The following CELF2 variants were observed in gnomAD, a reference collection of about 807,000 sequenced individuals.
CELF2 encodes CUG triplet repeat RNA-binding protein 2.
Under a neutral mutation model 62.6 loss-of-function variants are expected in CELF2, and 8 were observed. The ratio of observed to expected loss-of-function variants is 0.13; its 90% CI spans 0.07 to 0.23. The LOEUF (loss-of-function observed/expected upper bound fraction) is 0.23, where lower values mean the gene tolerates loss of function less well. Ranked by LOEUF, CELF2 falls within the 10% of genes least tolerant of loss-of-function variation. CELF2 has a pLI of 1.00. For missense variants in CELF2, 333 were observed against 671.0 expected, an observed-to-expected ratio of 0.50 and a Z score of 5.56; for synonymous variants, 258 against 250.0, an observed-to-expected ratio of 1.03 and a Z score of -0.30.
At chr10:11,275,861 G>A (rs550198534) in intron 8 of CELF2, among the ~76,000 whole-genome samples, 18 of 152,262 alleles carry the variant, frequency 1.2e-4, no homozygotes, top group African/African-American at 3.9e-4. Context: ...GGAAGGCAGC[G>A]AGCGCAATAA....
chr10:10,989,558 A>G (rs896988298), intron 2 of CELF2, among the ~76,000 whole-genome samples: 3 of 152,152 alleles, frequency 2.0e-5, no homozygotes, highest in Non-Finnish European at 4.4e-5. Context: ...TACATCGTGA[A>G]TGGATCAAAT....
chr10:10,499,595 C>G, the CELF2 span, among the ~76,000 whole-genome samples: 1 of 152,056 alleles, frequency 6.6e-6, no homozygotes, highest in African/African-American at 2.4e-5. Context: ...AATAAGAACT[C>G]CTGGCTGGGC....
chr10:11,109,529 A>G (rs2054550138), intron 1 of CELF2, among the ~76,000 whole-genome samples: 2 of 152,222 alleles, frequency 1.3e-5, no homozygotes, highest in South Asian at 4.1e-4. Context: ...TCTGAAAGTT[A>G]AAGAGAGATC....
the CELF2 span, among the ~76,000 whole-genome samples, chr10:10,566,305 C>G: frequency 6.7e-6 from 1 of 149,996 alleles, no homozygotes; most frequent in Non-Finnish European, 1.5e-5. Context: ...AGCAAACATG[C>G]AGGAAAAAAA....
chr10:10,633,669 T>C, the CELF2 span, among the ~76,000 whole-genome samples: 7 of 150,846 alleles, frequency 4.6e-5, no homozygotes, highest in Non-Finnish European at 1.0e-4. Flanking sequence ...TGTATCACCT[T>C]AGAAAGACCT....
rs2082536325 is a variant in CELF2, at chr10:11,267,663, G to C, written c.618+986G>C. 6.6e-6 allele frequency among the ~76,000 whole-genome samples: 1 copy of C among 152,174 alleles called. No homozygotes were observed. The highest frequency in any genetic ancestry group is 1.9e-4 in the East Asian group (1 of 5,182). On this transcript the variant is annotated intron_variant, in intron 6 of 12. Transcript: ENST00000633077. This position sits in a 1 kb window ranked among gnomAD's most constrained non-coding sequence, Gnocchi z 4.4. ...TGAGCTTCTGTTTTCCCCCCATTTT[G>C]TTGGGGTTTTATTTTTTTGTTTGTT...
At chr10:10,472,173 T>C in the CELF2 span, among the ~76,000 whole-genome samples, 1 of 151,848 alleles carries the variant, frequency 6.6e-6, no homozygotes, top group Non-Finnish European at 1.5e-5. Context: ...AACTATTTTT[T>C]TCAAAATATT....
At chr10:10,953,484 G>A (rs879851388) in intron 2 of CELF2, among the ~76,000 whole-genome samples, 1 of 152,132 alleles carries the variant, frequency 6.6e-6, no homozygotes, top group Admixed American at 6.6e-5. Context: ...AAATCTTCAA[G>A]ACTGCTGTTA....
intron 2 of CELF2, among the ~76,000 whole-genome samples, chr10:11,200,854 C>T (rs1451536682): frequency 6.6e-6 from 1 of 152,200 alleles, no homozygotes; most frequent in Non-Finnish European, 1.5e-5. Context: ...CTGAGTCGCA[C>T]CGTACAAGTT....
chr10:11,262,859 T>C (rs1258602133), intron 5 of CELF2, among the ~76,000 whole-genome samples: 1 of 150,744 alleles, frequency 6.6e-6, no homozygotes, highest in East Asian at 1.9e-4. Context: ...TGAAGTATAG[T>C]GGGTACTACA....
intron 1 of CELF2, among the ~76,000 whole-genome samples, chr10:11,065,038 C>G (rs140303094): frequency 1.6e-4 from 24 of 152,118 alleles, no homozygotes; most frequent in Non-Finnish European, 3.2e-4. Flanking sequence ...TGCTTGCTAT[C>G]GAAGTGAAGT....
chr10:10,635,658 T>A, the CELF2 span, among the ~76,000 whole-genome samples: 1 of 152,218 alleles, frequency 6.6e-6, no homozygotes, highest in Non-Finnish European at 1.5e-5. Context: ...ACTTTTTCCA[T>A]CAGCTCTCCT....
At chr10:10,980,984 C>T (rs544740097) in intron 2 of CELF2, among the ~76,000 whole-genome samples, 14 of 152,148 alleles carry the variant, frequency 9.2e-5, no homozygotes, top group East Asian at 5.8e-4. Flanking sequence ...AATTTGTGTA[C>T]GTCTACACTT....
At chr10:10,821,072 T>G (rs1282701804) in intron 1 of CELF2, among the ~76,000 whole-genome samples, 1 of 152,204 alleles carries the variant, frequency 6.6e-6, no homozygotes, top group African/African-American at 2.4e-5. Context: ...ACATTGGTTG[T>G]GGGGCTGAAG....
the CELF2 span, among the ~76,000 whole-genome samples, chr10:10,733,612 T>TG: frequency 0.43 from 64,753 of 151,902 alleles, 14,633 homozygotes; most frequent in East Asian, 0.72. Context: ...CAGCATGGCT[T>TG]GGGGGGGCCT....
At chr10:10,543,478 C>G in the CELF2 span, among the ~76,000 whole-genome samples, 2 of 152,134 alleles carry the variant, frequency 1.3e-5, no homozygotes, top group Non-Finnish European at 1.5e-5. Flanking sequence ...TTAAGAGGAC[C>G]AGGAACATCA....
At chr10:10,908,845 T>A (rs183753326) in intron 1 of CELF2, among the ~76,000 whole-genome samples, 148 of 152,328 alleles carry the variant, frequency 9.7e-4, no homozygotes, top group African/African-American at 3.5e-3. Flanking sequence ...TAGAGTGCAG[T>A]GGCGCCATCT....
At chr10:10,986,908 C>T (rs1289503315) in intron 2 of CELF2, among the ~76,000 whole-genome samples, 1 of 152,192 alleles carries the variant, frequency 6.6e-6, no homozygotes, top group African/African-American at 2.4e-5. Flanking sequence ...GCCCTGAGGA[C>T]TTTCAGTGGC....
intron 1 of CELF2, among the ~76,000 whole-genome samples, chr10:11,149,854 T>C (rs547080821): frequency 6.6e-6 from 1 of 152,320 alleles, no homozygotes; most frequent in Non-Finnish European, 1.5e-5. Flanking sequence ...GATGGAAATA[T>C]ACTGTCTTCA....
Sources: allele counts gnomAD v4.1 joint callset (sites outside exome capture counted in the v4.1 genomes callset), GRCh38; gene constraint gnomAD v4.1.1; non-coding constraint Gnocchi (gnomAD v3.1); transcripts MANE v1.5; gene names NCBI Gene and HGNC (gene_info 2026-07-23, HGNC 2026-07-21).